LIME1: variants seen among roughly 807,000 people sequenced by gnomAD.
LIME1 encodes the protein Lck interacting transmembrane adaptor 1.
In LIME1, 23 loss-of-function variants were observed where a neutral mutation model predicts 18.8. That is an observed-to-expected ratio of 1.22 (90% CI 0.88 to 1.73). The LOEUF (loss-of-function observed/expected upper bound fraction) is 1.73. Ranked by LOEUF, LIME1 falls within the 40% of genes most tolerant of loss-of-function variation. The probability of loss-of-function intolerance (pLI) is 0.00; values close to 1 mark genes in which losing one functional copy is unlikely to be tolerated. For missense variants in LIME1, 423 were observed against 396.8 expected, an observed-to-expected ratio of 1.07 and a Z score of -0.56; for synonymous variants, 177 against 182.3, an observed-to-expected ratio of 0.97 and a Z score of 0.23.
At position 63,738,932 on chromosome 20, in the gene LIME1, G is replaced by A. The variant is rs750880141; in HGVS notation, c.*32G>A. 1.4e-6 allele frequency: 2 copies of A among 1,478,544 alleles called. No individual in the cohort carries two copies. Among genetic ancestry groups the A allele is most frequent in the Non-Finnish European group, 9.0e-7 (1 of 1,110,028 alleles). 91.6% of individuals were successfully genotyped at this position (1,478,544 alleles called of 1,614,324 possible). On this transcript the variant is annotated 3_prime_UTR_variant, in exon 6 of 6. Transcript: ENST00000309546. ...AAGGACCTGTGCTCCTTCCTCCAGAGTGAGGCCCGTCCCCCGCCCCGCCCC... is the reference window on the plus strand; with the variant it reads ...AAGGACCTGTGCTCCTTCCTCCAGAATGAGGCCCGTCCCCCGCCCCGCCCC...
intron 1 of LIME1, chr20:63,737,105 C>G (rs1190930081): frequency 1.0e-6 from 1 of 990,310 alleles, no homozygotes; most frequent in Non-Finnish European, 1.2e-6. Context: ...GTTCTGGGCT[C>G]CGCAGCGAGC....
In LIME1 at chr20:63,738,329, G is replaced by T; in HGVS notation, c.415G>T (p.Ala139Ser). The change falls in exon 5 of 6, where the codon GCT becomes TCT. Residue 139 changes from alanine to serine, a missense_variant. Coordinates refer to ENST00000309546, the MANE Select transcript of LIME1 (RefSeq NM_017806.4). ...LPAAAATAGCAGLEATYSNVG... is the reference protein window; with the variant it reads ...LPAAAATAGCSGLEATYSNVG... ...GGCAGCTGCAGCCACCGCAGGGTGC[G>T]CTGGCCTCGAGGCCACCTATTCCAA... 1 of 1,559,124 alleles carries T rather than the reference G, an allele frequency of 6.4e-7. No homozygotes were observed. The highest frequency in any genetic ancestry group is 8.7e-7 in the Non-Finnish European group (1 of 1,155,114).
chr20:63,738,797 A>T lies in LIME1; in HGVS notation c.785A>T (p.Asp262Val). Residue 262 changes from aspartate (D) to valine (V), a missense_variant, in exon 6 of 6, where the codon GAC (aspartate) becomes GTC (valine). By Grantham distance (152) the Asp-to-Val change is radical. Transcript: ENST00000309546. Reference protein sequence around the residue: ...NVYESIRELGDPAGRSSTCGA... With the variant: ...NVYESIRELGVPAGRSSTCGA... ...TATGAGAGCATCCGGGAGCTGGGGGACCCTGCTGGCAGGAGCAGCACGTGC... is the reference window on the plus strand; with the variant it reads ...TATGAGAGCATCCGGGAGCTGGGGGTCCCTGCTGGCAGGAGCAGCACGTGC... 6.2e-7 allele frequency: 1 copy of T among 1,612,476 alleles called. No individual in the cohort carries two copies. The highest frequency in any genetic ancestry group is 8.5e-7 in the Non-Finnish European group (1 of 1,179,752).
chr20:63,737,942 C>A (rs768115370), intron 3 of LIME1, 31 bp from the exon 4 acceptor site: 12 of 1,575,746 alleles, frequency 7.6e-6, no homozygotes, highest in Non-Finnish European at 1.0e-5. Flanking sequence ...GTGGGGTCCG[C>A]AGGGCACCGA....
At chr20:63,738,110 G>C (rs1409118897) in intron 4 of LIME1, 50 bp downstream of exon 4, 1 of 1,523,238 alleles carries the variant, frequency 6.6e-7, no homozygotes, top group Non-Finnish European at 8.8e-7. Flanking sequence ...ACTGTGCAGC[G>C]CGTGCCAACC....
upstream of LIME1, chr20:63,736,044 CAG>C (rs1423996313): frequency 3.6e-6 from 5 of 1,385,072 alleles, no homozygotes; most frequent in African/African-American, 1.5e-5. Flanking sequence ...TGAGTGGAGA[CAG>C]AGCTGCGGGG....
intron 1 of LIME1, 80 bp from the exon 2 acceptor site, chr20:63,737,453 C>T (rs977524948): frequency 4.3e-6 from 6 of 1,390,692 alleles, no homozygotes; most frequent in African/African-American, 1.5e-5. Flanking sequence ...CCCGCAGCCG[C>T]GGGAGGTGCA....
rs2092021049 is a variant in LIME1, at chr20:63,738,471, G to A, written c.557G>A (p.Gly186Glu). ...THRSPQEPQQGKTEVTPAAQV... is the reference protein window; with the variant it reads ...THRSPQEPQQEKTEVTPAAQV... ...CGCAGTCCCCAAGAGCCACAGCAGG[G>A]GAAGACTGAGGTGACCCCGGCCGCT... Residue 186 changes from glycine (G) to glutamate (E), a missense_variant, in exon 5 of 6, where the codon GGG (glycine) becomes GAG (glutamate). Coordinates refer to ENST00000309546, the MANE Select transcript of LIME1 (RefSeq NM_017806.4). 2.0e-6 allele frequency: 3 copies of A among 1,520,836 alleles called. No homozygotes were observed. The highest frequency in any genetic ancestry group is 2.6e-6 in the Non-Finnish European group (3 of 1,135,102). 94.2% of individuals were successfully genotyped at this position (1,520,836 alleles called of 1,614,324 possible).
At chr20:63,736,941 TC>T in intron 1 of LIME1, 1 of 985,472 alleles carries the variant, frequency 1.0e-6, no homozygotes, top group Non-Finnish European at 1.2e-6. Context: ...AGGGGACAGA[TC>T]CTCTCTGGCA....
rs746290002 is a variant in LIME1, at chr20:63,738,701, C to T, written c.689C>T (p.Ala230Val). ...GGCCAGGGAGCGATTCTGGCCCTGG[C>T]GGGTGACCTGGCCTACCAGACCCTC... ...PKGQGAILAL[A>V]GDLAYQTLPL... The change falls in exon 6 of 6, where the codon GCG (alanine) becomes GTG (valine). Residue 230 changes from alanine to valine, a missense_variant. Coordinates refer to ENST00000309546, the MANE Select transcript of LIME1 (RefSeq NM_017806.4). 29 of 1,612,656 alleles carry T rather than the reference C, an allele frequency of 1.8e-5. No individual in the cohort carries two copies. Among genetic ancestry groups the T allele is most frequent in the Non-Finnish European group, 2.5e-5 (29 of 1,179,846 alleles).
At chr20:63,736,752 C>G (rs1004995681) in intron 1 of LIME1, 40 bp downstream of exon 1, 4 of 985,702 alleles carry the variant, frequency 4.1e-6, no homozygotes, top group Non-Finnish European at 4.8e-6. Context: ...TCTGGGAGGC[C>G]TTGGGATGTG....
intron 2 of LIME1, 53 bp from the exon 3 acceptor site, chr20:63,737,768 C>A (rs2092008546): frequency 3.5e-6 from 5 of 1,428,240 alleles, no homozygotes; most frequent in Non-Finnish European, 4.6e-6. Flanking sequence ...TGCACCGGGC[C>A]TTGGACCCGA....
chr20:63,738,097 C>T, intron 4 of LIME1, 37 bp downstream of exon 4: 1 of 1,411,688 alleles, frequency 7.1e-7, no homozygotes, highest in South Asian at 1.3e-5. Flanking sequence ...CCGGGCGGGG[C>T]TTACTGTGCA....
intron 1 of LIME1, 71 bp from the exon 2 acceptor site, chr20:63,737,462 C>G: frequency 7.1e-7 from 1 of 1,399,032 alleles, no homozygotes; most frequent in Non-Finnish European, 9.3e-7. Context: ...GCGGGAGGTG[C>G]AGATTTGGGG....
intron 1 of LIME1, 157 bp from the exon 2 acceptor site, chr20:63,737,376 A>T: frequency 1.5e-6 from 2 of 1,338,414 alleles, no homozygotes; most frequent in Admixed American, 3.8e-5. Context: ...CACCTCTGGG[A>T]GGGAGGGACT....
chr20:63,737,669 T>G (rs1055887181), intron 2 of LIME1, 22 bp downstream of exon 2: 16 of 1,541,540 alleles, frequency 1.0e-5, no homozygotes, highest in Admixed American at 2.1e-5. Context: ...AGCCGCGTTC[T>G]GTCTGGGGCC....
chr20:63,737,399 G>A, intron 1 of LIME1, 134 bp from the exon 2 acceptor site: 1 of 1,354,744 alleles, frequency 7.4e-7, no homozygotes, highest in Non-Finnish European at 9.5e-7. Flanking sequence ...CAGGCCTTGG[G>A]GCTTCCTGTG....
intron 1 of LIME1, 145 bp downstream of exon 1, chr20:63,736,857 T>G: frequency 1.0e-6 from 1 of 986,822 alleles, no homozygotes; most frequent in South Asian, 4.7e-5. Context: ...CCCCCCAGCT[T>G]CTGTCTCTGC....
At chr20:63,735,945 G>T, upstream of LIME1, 1 of 1,596,590 alleles carries the variant, frequency 6.3e-7, no homozygotes, top group South Asian at 1.1e-5. Context: ...TATGGACGAA[G>T]CGTGGGACCC....
Sources: gnomAD v4.1 joint callset for allele counts on GRCh38, gnomAD v4.1.1 for gene constraint, MANE v1.5 for transcripts, NCBI Gene and HGNC (gene_info 2026-07-23, HGNC 2026-07-21) for gene names.